Variants in APBB2 observed in about 807,000 individuals in gnomAD.
APBB2 encodes the protein amyloid beta precursor protein binding family B member 2, also known as Fe65-like 1.
Under a neutral mutation model 82.5 loss-of-function variants are expected in APBB2, and 38 were observed. The ratio of observed to expected loss-of-function variants is 0.46; its 90% CI spans 0.36 to 0.60. APBB2 has a LOEUF of 0.60. Ranked by LOEUF, APBB2 falls within the 20% of genes least tolerant of loss-of-function variation. The probability of loss-of-function intolerance (pLI) is 0.00; values close to 1 mark genes in which losing one functional copy is unlikely to be tolerated. For synonymous variants in APBB2, 341 were observed against 368.2 expected (o/e 0.93, Z 0.85); for missense variants, 772 against 972.3 (o/e 0.79, Z 2.74).
intron 7 of APBB2, among the ~76,000 whole-genome samples, chr4:40,940,269 A>T (rs1786500488): frequency 6.6e-6 from 1 of 152,158 alleles, no homozygotes; most frequent in South Asian, 2.1e-4. Context: ...TGAGGAAGGG[A>T]CATGCAAATA....
chr4:40,882,405 T>C (rs1289549389), intron 12 of APBB2, among the ~76,000 whole-genome samples: 1 of 152,174 alleles, frequency 6.6e-6, no homozygotes, highest in East Asian at 1.9e-4. Flanking sequence ...GGCCAGGACC[T>C]AGACTTAAAA....
intron 3 of APBB2, among the ~76,000 whole-genome samples, chr4:41,079,449 A>G (rs893650541): frequency 2.0e-5 from 3 of 152,156 alleles, no homozygotes; most frequent in Admixed American, 1.3e-4. Context: ...AACAAAGAAG[A>G]TTTTTCCATA....
intron 12 of APBB2, among the ~76,000 whole-genome samples, chr4:40,831,972 A>G (rs985308039): frequency 1.3e-5 from 2 of 151,192 alleles, no homozygotes; most frequent in African/African-American, 4.9e-5. Flanking sequence ...TCAAAGATGA[A>G]AGTGTTTTTA....
At position 40,828,412 on chromosome 4, in the gene APBB2, T is replaced by C. The variant is rs1020834291; in HGVS notation, c.1645-1193A>G. On this transcript the variant is annotated intron_variant, in intron 13 of 17. Coordinates refer to ENST00000508593, the MANE Select transcript of APBB2 (RefSeq NM_004307.2). ...TTTTCCATTCCAAGTGGAGTGAAAG[T>C]CATTTCCATCGCAGACCTCTACTCT... Among the ~76,000 whole-genome samples, 8 of 152,290 alleles carry C rather than the reference T, an allele frequency of 5.3e-5. 1 individual carries two copies. In the East Asian group the frequency reaches 1.5e-3, roughly 29 times the overall value.
intron 2 of APBB2, among the ~76,000 whole-genome samples, chr4:41,132,669 C>A (rs1467007338): frequency 6.6e-6 from 1 of 152,170 alleles, no homozygotes; most frequent in Non-Finnish European, 1.5e-5. Context: ...TAGGAAATAT[C>A]TTTTTCCTTT....
Position 41,174,392 on chromosome 4 carries a change from C to T in APBB2, c.-416-31250G>A, listed in dbSNP as rs376828262. 1.2e-4 allele frequency among the ~76,000 whole-genome samples: 18 copies of T among 152,308 alleles called. No individual in the cohort carries two copies. The South Asian group carries it at 1.9e-3, about 16-fold the overall frequency. On this transcript the variant is annotated intron_variant, in intron 1 of 17. Coordinates refer to ENST00000508593, the MANE Select transcript of APBB2 (RefSeq NM_004307.2). ...GTTTACACAAGAGAGGCTCCCTTAA[C>T]TCATCTCTGCTTAACCACCCTGCCA...
At chr4:40,911,094 A>G (rs1178386579) in intron 10 of APBB2, among the ~76,000 whole-genome samples, 2 of 152,276 alleles carry the variant, frequency 1.3e-5, no homozygotes, top group African/African-American at 4.8e-5. Context: ...GAAACGACAG[A>G]CATAGGGTTG....
chr4:40,862,532 TATAACGTGCATC>T, intron 12 of APBB2, among the ~76,000 whole-genome samples: 1 of 152,298 alleles, frequency 6.6e-6, no homozygotes, highest in Middle Eastern at 3.4e-3. Context: ...GGTCTCAAAC[TATAACGTGCATC>T]ATAACAGTTA....
At chr4:41,111,505 T>C (rs912733704) in intron 2 of APBB2, among the ~76,000 whole-genome samples, 4 of 152,208 alleles carry the variant, frequency 2.6e-5, no homozygotes, top group East Asian at 1.9e-4. Flanking sequence ...TTAAAGAGTA[T>C]ATAACATGTA....
intron 1 of APBB2, among the ~76,000 whole-genome samples, chr4:41,157,065 C>CAA (rs1302613201): frequency 0.054 from 3,952 of 72,662 alleles, 135 homozygotes; most frequent in African/African-American, 0.12. Flanking sequence ...GACTCTGTCT[C>CAA]AAAAAAAAAA....
intron 12 of APBB2, among the ~76,000 whole-genome samples, chr4:40,836,676 G>A (rs145203538): frequency 4.3e-4 from 66 of 152,252 alleles, no homozygotes; most frequent in African/African-American, 1.4e-3. Context: ...TGAGGGAAAG[G>A]GGTAGAGAGC....
chr4:41,004,149 C>T (rs1313636204), intron 6 of APBB2, among the ~76,000 whole-genome samples: 2 of 151,986 alleles, frequency 1.3e-5, no homozygotes, highest in African/African-American at 4.8e-5. Flanking sequence ...GAACTCCTGA[C>T]CTCAAATGGT....
intron 10 of APBB2, among the ~76,000 whole-genome samples, chr4:40,927,359 C>G (rs943901347): frequency 2.6e-5 from 4 of 152,182 alleles, no homozygotes; most frequent in Non-Finnish European, 4.4e-5. Flanking sequence ...CCATCTCCAC[C>G]AAGAACTAGT....
chr4:40,893,338 G>A lies in APBB2; in HGVS notation c.1328C>T (p.Ala443Val), dbSNP rs745826224. ...EDLAPGKSSV[A>V]VNNCIRQLSY... is the part of the protein sequence containing the mutation. Reference sequence around the variant, plus strand: ...AAGTTGCCTGATGCAGTTGTTGACCGCAACACTACTTTTACCGGGGGCGAG... The same window carrying A: ...AAGTTGCCTGATGCAGTTGTTGACCACAACACTACTTTTACCGGGGGCGAG... Residue 443 changes from alanine to valine, a missense_variant, in exon 11 of 18, where the codon GCG becomes GTG. Transcript: ENST00000508593. The A allele has an allele frequency of 1.9e-5, 30 of 1,613,358 alleles. No homozygotes were observed. Among genetic ancestry groups the A allele is most frequent in the East Asian group, 2.2e-5 (1 of 44,826 alleles).
chr4:41,008,779 T>C (rs573654481), intron 6 of APBB2, among the ~76,000 whole-genome samples: 178 of 152,342 alleles, frequency 1.2e-3, no homozygotes, highest in Middle Eastern at 3.4e-3. Context: ...TGAGAGGCTA[T>C]GAGAACTGCC....
intron 12 of APBB2, among the ~76,000 whole-genome samples, chr4:40,866,935 G>A (rs952726149): frequency 2.0e-5 from 3 of 151,990 alleles, no homozygotes; most frequent in Admixed American, 2.0e-4. Context: ...GCAGTTTCCC[G>A]TGCAGAGATG....
intron 12 of APBB2, among the ~76,000 whole-genome samples, chr4:40,844,829 G>A (rs1245492865): frequency 6.6e-6 from 1 of 152,194 alleles, no homozygotes; most frequent in Non-Finnish European, 1.5e-5. Context: ...ATCAGAAAAG[G>A]ATATGTTAGT....
At position 40,920,814 on chromosome 4, in the gene APBB2, T is replaced by C. The variant is rs1336486947; in HGVS notation, c.1254+13642A>G. Among the ~76,000 whole-genome samples the C allele has an allele frequency of 2.0e-5, 3 of 151,270 alleles. No individual in the cohort carries two copies. The East Asian group carries it at 5.8e-4, about 29-fold the overall frequency. ...TGAATCTGGGAGGCGGTGGTTGCTG[T>C]GAGCCGAGATCACACCATTGCACTC... is the stretch of plus-strand genomic sequence containing the variant. On this transcript the variant is annotated intron_variant, in intron 10 of 17. Transcript: ENST00000508593.
chr4:40,972,461 A>G (rs184145370), intron 6 of APBB2, among the ~76,000 whole-genome samples: 1 of 151,806 alleles, frequency 6.6e-6, no homozygotes, highest in East Asian at 1.9e-4. Flanking sequence ...ATAAATAAAT[A>G]AAATAGCAAA....
Sources: allele counts gnomAD v4.1 joint callset (sites outside exome capture counted in the v4.1 genomes callset), GRCh38; gene constraint gnomAD v4.1.1; transcripts MANE v1.5; gene names NCBI Gene and HGNC (gene_info 2026-07-23, HGNC 2026-07-21).